CTC1: variants seen among roughly 807,000 people sequenced by gnomAD.
The protein encoded by CTC1 is CST telomere replication complex component 1.
A neutral mutation model predicts 136.3 loss-of-function variants in CTC1; 91 were observed. The ratio of observed to expected loss-of-function variants is 0.67; its 90% CI spans 0.56 to 0.79. The LOEUF is 0.79. Among genes scored for constraint, CTC1 ranks in the 30% least tolerant of loss-of-function variants. CTC1 has a pLI of 0.00. For synonymous variants in CTC1, 606 were observed against 613.8 expected, an observed-to-expected ratio of 0.99 and a Z score of 0.19; for missense variants, 1,432 against 1,498.1, an observed-to-expected ratio of 0.96 and a Z score of 0.73.
At chr17:8,245,727 AG>A in intron 1 of CTC1, among the ~76,000 whole-genome samples, 1 of 152,166 alleles carries the variant, frequency 6.6e-6, no homozygotes, top group East Asian at 1.9e-4. Context: ...CGAGCCCAGT[AG>A]TTCACTACTA....
At position 8,243,017 on chromosome 17, in the gene CTC1, C is replaced by T. The variant is rs2151545845; in HGVS notation, c.165G>A (p.Arg55=). ...CVKTVWLSQG[R]NQGSTLPLSY... The stretch of plus-strand genomic sequence containing the variant: ...TGAGGGGCAGTGTAGAACCTTGGTT[C>T]CTTCCCTGGGACAACCAGACAGTCT... The change falls in exon 2 of 23, where the codon AGG becomes AGA. Residue 55 remains arginine (R), a synonymous_variant. Coordinates refer to ENST00000651323, the MANE Select transcript of CTC1 (RefSeq NM_025099.6). The T allele has an allele frequency of 1.9e-6, 3 of 1,613,458 alleles. No homozygotes were observed. Among genetic ancestry groups the T allele is most frequent in the Middle Eastern group, 3.3e-4 (2 of 6,036 alleles).
At position 8,234,323 on chromosome 17, in the gene CTC1, A is replaced by C. The variant is rs892590828; in HGVS notation, c.1818+132T>G. Reference sequence around the variant, plus strand: ...GAGAGAATGAATTGGAGGGCCAACAACAGATGAAGTGGTCTGCTTAGAAGG... The same window carrying C: ...GAGAGAATGAATTGGAGGGCCAACACCAGATGAAGTGGTCTGCTTAGAAGG... On this transcript the variant is annotated intron_variant, in intron 10 of 22. Transcript: ENST00000651323. 12 of 878,094 alleles carry C rather than the reference A, an allele frequency of 1.4e-5. No homozygotes were observed. In the African/African-American group the frequency reaches 1.7e-4, roughly 12 times the overall value. 54.4% of individuals were successfully genotyped at this position (878,094 alleles called of 1,614,324 possible).
intron 20 of CTC1, 105 bp downstream of exon 20, chr17:8,229,037 T>A (rs762449829): frequency 7.5e-6 from 11 of 1,473,586 alleles, no homozygotes; most frequent in Non-Finnish European, 9.3e-6. Context: ...CAAAAAATAT[T>A]AAGCAATTCT....
intron 4 of CTC1, 68 bp from the exon 5 acceptor site, chr17:8,237,587 C>T (rs577580029): frequency 6.2e-5 from 84 of 1,348,498 alleles, no homozygotes; most frequent in Admixed American, 6.1e-4. Flanking sequence ...ATCACTTGAA[C>T]CTGAAAGGCA....
chr17:8,232,578 T>A (rs983546248), intron 11 of CTC1, 103 bp from the exon 12 acceptor site: 1 of 910,618 alleles, frequency 1.1e-6, no homozygotes, highest in Non-Finnish European at 1.7e-6. Context: ...AGGCCAGAGC[T>A]GCTGCCCTCA....
At position 8,228,619 on chromosome 17, in the gene CTC1, C is replaced by T. The variant is rs1168045156; in HGVS notation, c.3398G>A (p.Arg1133Lys). Residue 1133 changes from arginine (R) to lysine (K), a missense_variant, in exon 22 of 23, where the codon AGG becomes AAG. By Grantham distance (26) the Arg-to-Lys change is conservative. Coordinates refer to ENST00000651323, the MANE Select transcript of CTC1 (RefSeq NM_025099.6). ...GPGAQLESSA[R>K]VDEPMTMFLW... ...GAACATGGTCATGGGCTCGTCAACC[C>T]TGGCTGAAGACTAGAAAGAGAAGGT... is the stretch of plus-strand genomic sequence containing the variant. 1 of 1,614,168 alleles carries T rather than the reference C, an allele frequency of 6.2e-7. No individual in the cohort carries two copies. The highest frequency in any genetic ancestry group is 1.7e-5 in the Admixed American group (1 of 60,004).
rs1302556489 is a variant in CTC1, at chr17:8,230,591, G to A, written c.2730C>T (p.Pro910=). 6.2e-7 allele frequency: 1 copy of A among 1,614,022 alleles called. No individual in the cohort carries two copies. Among genetic ancestry groups the A allele is most frequent in the African/African-American group, 1.3e-5 (1 of 74,892 alleles). ...GTTTCATCCAGAGAGACGCCACAAGGGGTTCACATAGTGTCCGTGACAAAA... is the reference window on the plus strand; with the variant it reads ...GTTTCATCCAGAGAGACGCCACAAGAGGTTCACATAGTGTCCGTGACAAAA... ...AEILSRTLCE[P]LVASLWMKLG... is the part of the protein sequence containing the mutation. The change falls in exon 16 of 23, where the codon CCC becomes CCT. Residue 910 remains proline (P), a synonymous_variant. Transcript: ENST00000651323.
At position 8,236,331 on chromosome 17, in the gene CTC1, C is replaced by A. The variant is rs1263005657; in HGVS notation, c.804G>T (p.Gln268His). The A allele has an allele frequency of 6.2e-7, 1 of 1,606,750 alleles. No homozygotes were observed. The highest frequency in any genetic ancestry group is 8.5e-7 in the Non-Finnish European group (1 of 1,179,646). The stretch of plus-strand genomic sequence containing the variant: ...GCCGAAGGGCTCTGTGCCACACCAG[C>A]TGGGCAGGGACCTGGCTTGTGCAGA... ...HVSIIVQVPA[Q>H]LVWHRALRPG... The change falls in exon 6 of 23, where the codon CAG (glutamine) becomes CAT (histidine). Residue 268 changes from glutamine (Q) to histidine (H), a missense_variant. By Grantham distance (24) the Gln-to-His change is conservative. Coordinates refer to ENST00000651323, the MANE Select transcript of CTC1 (RefSeq NM_025099.6).
Position 8,228,582 on chromosome 17 carries a change from A to T in CTC1, c.3435T>A (p.Leu1145=). 1 of 1,614,186 alleles carries T rather than the reference A, an allele frequency of 6.2e-7. No individual in the cohort carries two copies. Among genetic ancestry groups the T allele is most frequent in the Non-Finnish European group, 8.5e-7 (1 of 1,180,016 alleles). Residue 1145 remains leucine, a synonymous_variant, in exon 22 of 23, where the codon CTT becomes CTA. Transcript: ENST00000651323. The stretch of plus-strand genomic sequence containing the variant: ...GACGGAGGACAGAGGGGCTAGTACA[A>T]AGTGTCCAGAGGAACATGGTCATGG... ...DEPMTMFLWT[L]CTSPSVLRPI...
At position 8,247,802 on chromosome 17, in the gene CTC1, C is replaced by G. The variant is rs933967601; in HGVS notation, c.33+202G>C. ...AGAGTGAACGGAGACCAGTTTAAGG[C>G]TCACAGCGGGCGCCGCGTGAATGAG... On this transcript the variant is annotated intron_variant, in intron 1 of 22. Transcript: ENST00000651323. The G allele has an allele frequency of 6.6e-6, 4 of 609,552 alleles. No individual in the cohort carries two copies. In the African/African-American group the frequency reaches 7.5e-5, roughly 11 times the overall value. The allele number at this position is 609,552 out of a possible 1,614,324, so 37.8% of individuals were successfully genotyped here.
chr17:8,238,656 T>A (rs559351995), intron 2 of CTC1, 27 bp from the exon 3 acceptor site: 4 of 1,524,306 alleles, frequency 2.6e-6, no homozygotes, highest in Non-Finnish European at 3.5e-6. Context: ...ACAGAGGTCC[T>A]GCAAAGCCAG....
At chr17:8,238,783 G>A (rs1047648269) in intron 2 of CTC1, among the ~76,000 whole-genome samples, 154 bp from the exon 3 acceptor site, 2 of 152,134 alleles carry the variant, frequency 1.3e-5, no homozygotes, top group Non-Finnish European at 2.9e-5. Flanking sequence ...AAAACCTGGG[G>A]CTAAAGGCCT....
At chr17:8,241,972 GT>G (rs1157378065) in intron 2 of CTC1, among the ~76,000 whole-genome samples, 1 of 151,760 alleles carries the variant, frequency 6.6e-6, no homozygotes, top group East Asian at 1.9e-4. Flanking sequence ...TGCATGTGTA[GT>G]AAAACTATTA....
At chr17:8,241,849 CAAAAAAA>C (rs59476896) in intron 2 of CTC1, among the ~76,000 whole-genome samples, 1 of 96,352 alleles carries the variant, frequency 1.0e-5, no homozygotes, top group African/African-American at 4.4e-5. Flanking sequence ...GACCCTGTCT[CAAAAAAA>C]AAAAAAAAAA....
At chr17:8,246,363 T>G (rs989640747) in intron 1 of CTC1, among the ~76,000 whole-genome samples, 1 of 152,208 alleles carries the variant, frequency 6.6e-6, no homozygotes, top group Non-Finnish European at 1.5e-5. Context: ...GTATGTCTAC[T>G]TTAGCTGAGA....
chr17:8,231,386 A>T lies in CTC1; in HGVS notation c.2559T>A (p.Thr853=). The change falls in exon 15 of 23, where the codon ACT becomes ACA. Residue 853 remains threonine, a synonymous_variant. Transcript: ENST00000651323. ...GCTCCAGAGTCCAGTTGTCCTGGAC[A>T]GTGAGGCAGGATGCACAGCCAGCCA... ...LELAGCASCL[T]VQDNWTLELE... 6.2e-7 allele frequency: 1 copy of T among 1,613,812 alleles called. No individual in the cohort carries two copies. Among genetic ancestry groups the T allele is most frequent in the Non-Finnish European group, 8.5e-7 (1 of 1,179,694 alleles).
chr17:8,229,931 A>T lies in CTC1; in HGVS notation c.2971T>A (p.Tyr991Asn). 1.2e-6 allele frequency: 2 copies of T among 1,614,122 alleles called. No homozygotes were observed. The highest frequency in any genetic ancestry group is 2.2e-5 in the South Asian group (2 of 91,080). ...GGGGGAAAACTCAGGACCTGCACAT[A>T]AGTGGATGACCGGAAACAACAATAA... ...NVYCCFRSSTYVQVLSFPPET... is the reference protein window; with the variant it reads ...NVYCCFRSSTNVQVLSFPPET... Residue 991 changes from tyrosine to asparagine, a missense_variant, in exon 18 of 23, where the codon TAT becomes AAT. By Grantham distance (143) the Tyr-to-Asn change is moderately radical. Transcript: ENST00000651323.
chr17:8,227,824 C>T lies in CTC1; in HGVS notation c.*356G>A, dbSNP rs1291509875. The T allele has an allele frequency of 5.2e-6, 1 of 194,068 alleles. No individual in the cohort carries two copies. Among genetic ancestry groups the T allele is most frequent in the Non-Finnish European group, 1.1e-5 (1 of 92,568 alleles). 12.0% of individuals were successfully genotyped at this position (194,068 alleles called of 1,614,324 possible). On this transcript the variant is annotated 3_prime_UTR_variant, in exon 23 of 23. Transcript: ENST00000651323. ...AGAGATGAGTACCAGTGAGAAATGACACCAGAGGGCTTCATTGCAGGTCAA... is the reference window on the plus strand; with the variant it reads ...AGAGATGAGTACCAGTGAGAAATGATACCAGAGGGCTTCATTGCAGGTCAA...
chr17:8,229,558 C>T (rs1430287648), intron 18 of CTC1, 112 bp from the exon 19 acceptor site: 6 of 863,110 alleles, frequency 7.0e-6, no homozygotes, highest in South Asian at 1.6e-5. Flanking sequence ...ATGGGGACAG[C>T]AGTGGGTTCC....
Sources: allele counts gnomAD v4.1 joint callset (sites outside exome capture counted in the v4.1 genomes callset), GRCh38; gene constraint gnomAD v4.1.1; transcripts MANE v1.5; gene names NCBI Gene and HGNC (gene_info 2026-07-23, HGNC 2026-07-21).